Variants in NSUN6 observed in about 807,000 individuals in gnomAD.
NSUN6 encodes the protein tRNA (cytosine(72)-C(5))-methyltransferase NSUN6.
Under a neutral mutation model 58.0 loss-of-function variants are expected in NSUN6, and 64 were observed. That is an observed-to-expected ratio of 1.10 (90% CI 0.90 to 1.36). The LOEUF is 1.36. NSUN6 is among the 40% of genes most tolerant of loss of function. The probability of loss-of-function intolerance (pLI) is 0.00; values close to 1 mark genes in which losing one functional copy is unlikely to be tolerated. For missense variants in NSUN6, 701 were observed against 550.1 expected (o/e 1.27, Z -2.74); for synonymous variants, 231 against 193.9 (o/e 1.19, Z -1.59).
At chr10:18,589,346 T>C (rs969425224) in intron 7 of NSUN6, among the ~76,000 whole-genome samples, 10 of 152,162 alleles carry the variant, frequency 6.6e-5, no homozygotes, top group Non-Finnish European at 1.5e-4. Flanking sequence ...AAACACACTT[T>C]AGGATATCAT....
chr10:18,645,627 A>G (rs924310465), intron 2 of NSUN6, among the ~76,000 whole-genome samples: 2 of 152,204 alleles, frequency 1.3e-5, no homozygotes, highest in Non-Finnish European at 2.9e-5. Flanking sequence ...TATCTACTTA[A>G]GAGCTGATGT....
At chr10:18,627,535 C>A (rs1471663613) in intron 3 of NSUN6, among the ~76,000 whole-genome samples, 1 of 152,094 alleles carries the variant, frequency 6.6e-6, no homozygotes, top group Non-Finnish European at 1.5e-5. Flanking sequence ...AGACAGTGGG[C>A]GCAGGTCAGT....
At chr10:18,594,428 TCTG>T (rs2057501696) in intron 7 of NSUN6, among the ~76,000 whole-genome samples, 1 of 123,180 alleles carries the variant, frequency 8.1e-6, no homozygotes, top group Non-Finnish European at 1.8e-5. Flanking sequence ...ATAGACACTT[TCTG>T]TTTTTTTTTG....
At chr10:18,581,206 A>G (rs1193164966) in intron 8 of NSUN6, among the ~76,000 whole-genome samples, 2 of 152,152 alleles carry the variant, frequency 1.3e-5, no homozygotes, top group East Asian at 3.9e-4. Flanking sequence ...GGGGCTGGGT[A>G]AAATAAGGCT....
chr10:18,654,053 A>C (rs745358847), upstream of NSUN6, among the ~76,000 whole-genome samples: 8 of 152,192 alleles, frequency 5.3e-5, no homozygotes, highest in Non-Finnish European at 1.2e-4. Context: ...ATGTCTAGAA[A>C]GGCTCTTTAG....
intron 4 of NSUN6, among the ~76,000 whole-genome samples, chr10:18,615,815 C>T (rs2058388976): frequency 6.6e-6 from 1 of 152,086 alleles, no homozygotes; most frequent in Non-Finnish European, 1.5e-5. Context: ...AAGTTTCATC[C>T]CAATGTTCAG....
chr10:18,551,990 T>A lies in NSUN6; in HGVS notation c.923-19A>T, dbSNP rs12767546. 0.3 allele frequency: 459,155 copies of A among 1,512,226 alleles called. 72,058 individuals are homozygous for A. The highest frequency in any genetic ancestry group is 0.44 in the Admixed American group (25,229 of 57,788). 93.7% of individuals were successfully genotyped at this position (1,512,226 alleles called of 1,614,324 possible). On this transcript the variant is annotated intron_variant, in intron 8 of 10. Coordinates refer to ENST00000377304, the MANE Select transcript of NSUN6 (RefSeq NM_182543.5). ...GGTTCTCCTATAAAGAGAATTATAA[T>A]CATGTTTACTATCTTCCATATAGGT... is the stretch of plus-strand genomic sequence containing the variant.
chr10:18,585,209 T>C (rs1443652868), intron 8 of NSUN6, among the ~76,000 whole-genome samples: 4 of 152,154 alleles, frequency 2.6e-5, no homozygotes, highest in Admixed American at 2.0e-4. Context: ...CTCTTTTACA[T>C]TGTTGGTAGG....
intron 6 of NSUN6, among the ~76,000 whole-genome samples, chr10:18,606,215 G>A (rs942469277): frequency 1.3e-5 from 2 of 152,100 alleles, no homozygotes; most frequent in African/African-American, 4.8e-5. Context: ...GCAGATTCCT[G>A]TAGGCCTACT....
rs2058325879 is a variant in NSUN6, at chr10:18,614,017, C to T, written c.575+443G>A. On this transcript the variant is annotated intron_variant, in intron 5 of 10. Coordinates refer to ENST00000377304, the MANE Select transcript of NSUN6 (RefSeq NM_182543.5). Reference sequence around the variant, plus strand: ...ACAAACCTAAACATTCATTTTTAAACACAAATATTCATGTGAGTGCTAGGT... The same window carrying T: ...ACAAACCTAAACATTCATTTTTAAATACAAATATTCATGTGAGTGCTAGGT... Among the ~76,000 whole-genome samples the T allele has an allele frequency of 2.0e-5, 3 of 152,048 alleles. No individual in the cohort carries two copies. In the South Asian group the frequency reaches 6.2e-4, roughly 32 times the overall value.
upstream of NSUN6, chr10:18,653,085 A>G (rs1276784450): frequency 1.0e-5 from 10 of 984,320 alleles, no homozygotes; most frequent in Non-Finnish European, 1.2e-5. Context: ...GAATTTCTGT[A>G]GCCTGAATTT....
chr10:18,563,616 TATTCC>T (rs1187332385), intron 8 of NSUN6, among the ~76,000 whole-genome samples: 2 of 150,396 alleles, frequency 1.3e-5, no homozygotes, highest in Admixed American at 6.6e-5. Context: ...TTGCTTTTTC[TATTCC>T]ATTCCATTCC....
At chr10:18,635,034 T>A (rs1292028441) in intron 3 of NSUN6, among the ~76,000 whole-genome samples, 3 of 152,212 alleles carry the variant, frequency 2.0e-5, no homozygotes, top group East Asian at 3.9e-4. Flanking sequence ...GGTACAAACA[T>A]GTTTATTCGG....
intron 3 of NSUN6, among the ~76,000 whole-genome samples, chr10:18,634,704 G>C (rs1207356656): frequency 6.6e-6 from 1 of 152,080 alleles, no homozygotes; most frequent in Non-Finnish European, 1.5e-5. Context: ...GGAGCTTGCA[G>C]TGAGCTCCTG....
At chr10:18,630,918 C>T (rs2059008144) in intron 3 of NSUN6, among the ~76,000 whole-genome samples, 2 of 151,878 alleles carry the variant, frequency 1.3e-5, no homozygotes, top group African/African-American at 4.8e-5. Context: ...CCAGCATCAT[C>T]CTGATACCAA....
At chr10:18,548,830 C>T (rs2054439453) in intron 9 of NSUN6, among the ~76,000 whole-genome samples, 1 of 152,140 alleles carries the variant, frequency 6.6e-6, no homozygotes, top group Admixed American at 6.6e-5. Flanking sequence ...GTTTTCCTAT[C>T]TTTCCAGAAT....
At chr10:18,586,355 C>T (rs372155653) in intron 7 of NSUN6, among the ~76,000 whole-genome samples, 4 of 151,982 alleles carry the variant, frequency 2.6e-5, no homozygotes, top group Admixed American at 2.6e-4. Flanking sequence ...ACGTTGTGTC[C>T]GGAGCTTGTT....
intron 3 of NSUN6, among the ~76,000 whole-genome samples, chr10:18,626,696 G>A (rs570888118): frequency 6.6e-6 from 1 of 152,190 alleles, no homozygotes; most frequent in Non-Finnish European, 1.5e-5. Context: ...TGAACACGGA[G>A]GTGGAGGTTG....
intron 8 of NSUN6, among the ~76,000 whole-genome samples, chr10:18,582,562 T>A (rs1360832320): frequency 6.6e-6 from 1 of 152,114 alleles, no homozygotes; most frequent in Admixed American, 6.5e-5. Context: ...CAAAGACTAT[T>A]CAGAAAGATT....
Sources: allele counts gnomAD v4.1 joint callset (sites outside exome capture counted in the v4.1 genomes callset), GRCh38; gene constraint gnomAD v4.1.1; transcripts MANE v1.5; gene names NCBI Gene and HGNC (gene_info 2026-07-23, HGNC 2026-07-21).